The following KIAA1958 variants were observed in gnomAD, a reference collection of about 807,000 sequenced individuals.
KIAA1958 encodes the protein uncharacterized protein KIAA1958.
KIAA1958 carries 14 observed loss-of-function variants against 47.2 expected under a neutral mutation model. That is an observed-to-expected ratio of 0.30 (90% CI 0.20 to 0.46). KIAA1958 has a LOEUF of 0.46. KIAA1958 is among the 20% of genes least tolerant of loss of function. The pLI is 1.00. For missense variants in KIAA1958, 803 were observed against 909.2 expected (o/e 0.88, Z 1.50); for synonymous variants, 354 against 353.3 (o/e 1.00, Z -0.02).
intron 1 of KIAA1958, among the ~76,000 whole-genome samples, chr9:112,521,344 C>G (rs1428180157): frequency 1.3e-5 from 2 of 151,990 alleles, no homozygotes; most frequent in East Asian, 3.9e-4. Context: ...TAAGGAGTAG[C>G]TGGGACCACA....
intron 1 of KIAA1958, among the ~76,000 whole-genome samples, chr9:112,542,290 A>G (rs960056927): frequency 9.2e-5 from 14 of 152,192 alleles, no homozygotes; most frequent in Admixed American, 2.6e-4. Flanking sequence ...GCTCATGAAT[A>G]TGAATATAAA....
intron 1 of KIAA1958, among the ~76,000 whole-genome samples, chr9:112,534,707 T>G (rs1449876142): frequency 6.6e-6 from 1 of 152,068 alleles, no homozygotes; most frequent in East Asian, 1.9e-4. Context: ...CATGCCCAGG[T>G]AATTTTTTAT....
chr9:112,494,198 C>T (rs1206040692), intron 1 of KIAA1958, among the ~76,000 whole-genome samples: 1 of 152,138 alleles, frequency 6.6e-6, no homozygotes, highest in East Asian at 1.9e-4. Context: ...AATAATTTTA[C>T]TAGAATGTCT....
intron 1 of KIAA1958, among the ~76,000 whole-genome samples, chr9:112,533,035 C>T (rs1355677507): frequency 6.6e-6 from 1 of 151,866 alleles, no homozygotes. Flanking sequence ...AAAATGAAAG[C>T]TCTTCAATAA....
intron 1 of KIAA1958, among the ~76,000 whole-genome samples, chr9:112,541,699 C>T (rs1373034925): frequency 2.6e-5 from 4 of 151,860 alleles, no homozygotes; most frequent in African/African-American, 9.7e-5. Flanking sequence ...CCCAGCTACT[C>T]GGGAGGCTGA....
At position 112,548,656 on chromosome 9, in the gene KIAA1958, T is replaced by C. The variant is rs1435159152; in HGVS notation, c.-24-25401T>C. ...CAAGCAATGTATCTTTAAGGTAACATTGACTCTTTGGTGCCTTGGCATAGT... is the reference window on the plus strand; with the variant it reads ...CAAGCAATGTATCTTTAAGGTAACACTGACTCTTTGGTGCCTTGGCATAGT... On this transcript the variant is annotated intron_variant, in intron 1 of 3. Coordinates refer to ENST00000337530, the MANE Select transcript of KIAA1958 (RefSeq NM_133465.4). 2.6e-5 allele frequency among the ~76,000 whole-genome samples: 4 copies of C among 152,238 alleles called. No individual in the cohort carries two copies. In the East Asian group the frequency reaches 7.7e-4, roughly 29 times the overall value.
chr9:112,512,460 A>T (rs921485797), intron 1 of KIAA1958, among the ~76,000 whole-genome samples: 3 of 149,514 alleles, frequency 2.0e-5, no homozygotes, highest in Non-Finnish European at 3.0e-5. Flanking sequence ...ATTCCTGATT[A>T]AAAAAAAAAC....
At chr9:112,489,886 T>C (rs1225608229) in intron 1 of KIAA1958, among the ~76,000 whole-genome samples, 2 of 152,256 alleles carry the variant, frequency 1.3e-5, no homozygotes, top group African/African-American at 2.4e-5. Flanking sequence ...CCACTTTATG[T>C]TAACTGGAAT....
intron 1 of KIAA1958, among the ~76,000 whole-genome samples, chr9:112,526,492 C>T (rs1205193475): frequency 9.9e-5 from 15 of 152,084 alleles, no homozygotes; most frequent in Admixed American, 5.2e-4. Context: ...GTGATCCACC[C>T]GCCTCAGCCT....
intron 3 of KIAA1958, 119 bp from the exon 4 acceptor site, chr9:112,659,144 G>T (rs4979142): frequency 1.1e-4 from 84 of 769,356 alleles, no homozygotes; most frequent in Admixed American, 1.2e-4. Flanking sequence ...TCTTTCCATT[G>T]TGTCCTGCTA....
intron 1 of KIAA1958, among the ~76,000 whole-genome samples, chr9:112,548,769 G>T (rs1835088222): frequency 6.6e-6 from 1 of 152,092 alleles, no homozygotes; most frequent in African/African-American, 2.4e-5. Context: ...CATTGCTATG[G>T]GCTGAATATA....
chr9:112,597,851 T>C (rs1836060132), intron 2 of KIAA1958, among the ~76,000 whole-genome samples: 1 of 152,232 alleles, frequency 6.6e-6, no homozygotes, highest in African/African-American at 2.4e-5. Context: ...ATAGTTTTAG[T>C]GTTTCTTTTC....
chr9:112,569,833 A>T (rs1422549635), intron 1 of KIAA1958, among the ~76,000 whole-genome samples: 2 of 152,136 alleles, frequency 1.3e-5, no homozygotes, highest in African/African-American at 4.8e-5. Context: ...CACATTGGCC[A>T]GGCTGGTCTC....
At chr9:112,581,155 C>T (rs888271982) in intron 2 of KIAA1958, among the ~76,000 whole-genome samples, 1 of 152,088 alleles carries the variant, frequency 6.6e-6, no homozygotes, top group African/African-American at 2.4e-5. Context: ...ACCTTAGCTA[C>T]GTCATTTCAC....
intron 1 of KIAA1958, among the ~76,000 whole-genome samples, chr9:112,561,774 G>T (rs1406624608): frequency 2.6e-5 from 4 of 152,190 alleles, no homozygotes; most frequent in African/African-American, 9.7e-5. Flanking sequence ...AGAATCACTT[G>T]AACCCAGCAT....
chr9:112,530,187 G>C (rs1260058331), intron 1 of KIAA1958, among the ~76,000 whole-genome samples: 2 of 151,990 alleles, frequency 1.3e-5, no homozygotes, highest in African/African-American at 2.4e-5. Context: ...TAAATTATTT[G>C]GCATTCTTCT....
intron 1 of KIAA1958, among the ~76,000 whole-genome samples, chr9:112,549,590 A>G (rs181146825): frequency 1.4e-3 from 219 of 152,334 alleles, no homozygotes; most frequent in Admixed American, 2.5e-3. Context: ...TAATAAAACC[A>G]TAAGCCTTCT....
intron 1 of KIAA1958, among the ~76,000 whole-genome samples, chr9:112,507,746 A>G (rs766852163): frequency 1.2e-4 from 18 of 151,992 alleles, no homozygotes; most frequent in Non-Finnish European, 2.5e-4. Context: ...AAAATGCTGT[A>G]TCTGTTTTTC....
intron 2 of KIAA1958, among the ~76,000 whole-genome samples, chr9:112,640,818 T>A (rs1229389777): frequency 6.6e-6 from 1 of 152,228 alleles, no homozygotes; most frequent in East Asian, 1.9e-4. Context: ...ATCATAGTCC[T>A]AAGTGGAAGT....
Sources: gnomAD v4.1 joint callset for allele counts (sites outside exome capture counted in the v4.1 genomes callset) on GRCh38, gnomAD v4.1.1 for gene constraint, MANE v1.5 for transcripts, NCBI Gene and HGNC (gene_info 2026-07-23, HGNC 2026-07-21) for gene names.